ROBO2: variants seen among roughly 807,000 people sequenced by gnomAD.
ROBO2 encodes roundabout homolog 2.
Under a neutral mutation model 160.8 loss-of-function variants are expected in ROBO2, and 53 were observed. The ratio of observed to expected loss-of-function variants is 0.33; its 90% CI spans 0.26 to 0.41. The LOEUF (loss-of-function observed/expected upper bound fraction) is 0.41. ROBO2 is among the 10% of genes least tolerant of loss of function. The pLI is 1.00. For synonymous variants in ROBO2, 664 were observed against 611.7 expected, an observed-to-expected ratio of 1.09 and a Z score of -1.26; for missense variants, 1,577 against 1,722.4, an observed-to-expected ratio of 0.92 and a Z score of 1.49.
chr3:77,217,784 C>T (rs916027845), intron 2 of ROBO2, among the ~76,000 whole-genome samples: 1 of 152,262 alleles, frequency 6.6e-6, no homozygotes, highest in Middle Eastern at 3.4e-3. Context: ...TAGATTAATT[C>T]TATTTTATTA....
intron 5 of ROBO2, among the ~76,000 whole-genome samples, chr3:77,508,441 G>A (rs945728870): frequency 6.8e-6 from 1 of 148,050 alleles, no homozygotes; most frequent in African/African-American, 2.4e-5. Flanking sequence ...CTATATATAT[G>A]TGATAGTATA....
Position 77,644,950 on chromosome 3 carries a change from T to A in ROBO2, c.4135+46T>A, listed in dbSNP as rs200822458. On this transcript the variant is annotated intron_variant, in intron 25 of 25. Coordinates refer to ENST00000461745, the Ensembl canonical transcript of ROBO2. ...AAAGGCTATCGTGATTCAGAAAGAA[T>A]CTTGGGTTAATAACATTGCCACATT... The A allele has an allele frequency of 2.0e-4, 312 of 1,585,934 alleles. No homozygotes were observed. The African/African-American group carries it at 3.9e-3, about 20-fold the overall frequency.
At chr3:77,594,908 C>T (rs966475172) in intron 17 of ROBO2, among the ~76,000 whole-genome samples, 5 of 152,128 alleles carry the variant, frequency 3.3e-5, no homozygotes, top group African/African-American at 9.7e-5. Flanking sequence ...TTTAACTTAA[C>T]CATGGATTTG....
chr3:77,021,918 C>T (rs1010158659), intron 2 of ROBO2, among the ~76,000 whole-genome samples: 1 of 152,124 alleles, frequency 6.6e-6, no homozygotes, highest in African/African-American at 2.4e-5. Context: ...TTCCCAGCCT[C>T]CAGAAATATG....
At chr3:76,937,695 ACT>A (rs1352100350) in intron 2 of ROBO2, among the ~76,000 whole-genome samples, 2 of 152,096 alleles carry the variant, frequency 1.3e-5, no homozygotes, top group Non-Finnish European at 2.9e-5. Flanking sequence ...TGAATATAAA[ACT>A]CTGCATTTTA....
At chr3:76,423,633 A>G (rs960713895) in intron 2 of ROBO2, among the ~76,000 whole-genome samples, 10 of 152,194 alleles carry the variant, frequency 6.6e-5, no homozygotes, top group African/African-American at 2.4e-4. Flanking sequence ...AAATGTTTGT[A>G]TTCAGAATTT....
intron 1 of ROBO2, among the ~76,000 whole-genome samples, chr3:75,930,975 G>T (rs1054637901): frequency 6.6e-6 from 1 of 152,042 alleles, no homozygotes; most frequent in African/African-American, 2.4e-5. Flanking sequence ...ATCTCTTAAC[G>T]TGTCTTTCAG....
At chr3:76,531,747 A>C (rs2108064244) in intron 2 of ROBO2, among the ~76,000 whole-genome samples, 1 of 151,956 alleles carries the variant, frequency 6.6e-6, no homozygotes, top group South Asian at 2.1e-4. Context: ...AAAAACAACA[A>C]CACTATTTTC....
intron 2 of ROBO2, among the ~76,000 whole-genome samples, chr3:77,437,615 C>G (rs529305944): frequency 7.9e-5 from 12 of 152,024 alleles, no homozygotes; most frequent in African/African-American, 2.6e-4. Flanking sequence ...TTTAACCTTT[C>G]TAAGTAAAAT....
At chr3:76,280,595 C>G (rs968682726) in intron 2 of ROBO2, among the ~76,000 whole-genome samples, 1 of 151,992 alleles carries the variant, frequency 6.6e-6, no homozygotes, top group Non-Finnish European at 1.5e-5. Context: ...AATCCACTTC[C>G]TTTCCCAGTA....
chr3:77,151,079 G>A (rs192142369), intron 2 of ROBO2, among the ~76,000 whole-genome samples: 19 of 152,150 alleles, frequency 1.2e-4, no homozygotes, highest in Admixed American at 1.2e-3. Flanking sequence ...TGGCTTAAAA[G>A]GGGTACTCAA....
Position 76,532,096 on chromosome 3 carries a change from A to G in ROBO2, c.110-565918A>G, listed in dbSNP as rs138702882. Among the ~76,000 whole-genome samples, 148 of 152,278 alleles carry G rather than the reference A, an allele frequency of 9.7e-4. 2 individuals carry two copies. Among genetic ancestry groups the G allele is most frequent in the African/African-American group, 3.5e-3 (144 of 41,568 alleles). ...TCCTGGCCTCACTTAATCAGGACAT[A>G]TCTTTGTCTACAAGAGTGTCCTATT... On this transcript the variant is annotated intron_variant, in intron 2 of 26. Coordinates refer to the ROBO2 transcript ENST00000487694.
At chr3:77,472,267 A>G (rs2153580822) in intron 2 of ROBO2, among the ~76,000 whole-genome samples, 1 of 152,262 alleles carries the variant, frequency 6.6e-6, no homozygotes, top group East Asian at 1.9e-4. Context: ...GGGAATAAAT[A>G]ACAGAAGGGA....
intron 2 of ROBO2, among the ~76,000 whole-genome samples, chr3:76,666,623 A>G (rs1299131144): frequency 6.6e-6 from 1 of 152,086 alleles, no homozygotes; most frequent in Non-Finnish European, 1.5e-5. Flanking sequence ...CTATTGGAAA[A>G]TGAAAAAAAA....
chr3:76,376,557 T>C (rs2076354230), intron 2 of ROBO2, among the ~76,000 whole-genome samples: 1 of 152,128 alleles, frequency 6.6e-6, no homozygotes, highest in African/African-American at 2.4e-5. Flanking sequence ...ATCCATTATC[T>C]AGCAATATTA....
intron 2 of ROBO2, among the ~76,000 whole-genome samples, chr3:77,314,541 TTCTG>T (rs2063809090): frequency 1.3e-5 from 2 of 152,308 alleles, no homozygotes; most frequent in African/African-American, 4.8e-5. Flanking sequence ...ATGCATGAGA[TTCTG>T]CTATCAGGTT....
exon 21 of ROBO2, chr3:77,607,905 C>T (rs1320335485): frequency 6.2e-7 from 1 of 1,614,050 alleles, no homozygotes; most frequent in Non-Finnish European, 8.5e-7. Context: ...AGTCCAGCCC[C>T]TTCCTGGCAC....
intron 2 of ROBO2, among the ~76,000 whole-genome samples, chr3:76,877,313 A>T (rs2072850761): frequency 6.6e-6 from 1 of 152,178 alleles, no homozygotes; most frequent in African/African-American, 2.4e-5. Context: ...GTACACACCT[A>T]AGTGTGTTTT....
At chr3:76,342,345 C>A (rs1427339817) in intron 2 of ROBO2, among the ~76,000 whole-genome samples, 1 of 152,116 alleles carries the variant, frequency 6.6e-6, no homozygotes, top group African/African-American at 2.4e-5. Flanking sequence ...TTGTTACTCC[C>A]AGCACAGCAA....
Sources: allele counts gnomAD v4.1 joint callset (sites outside exome capture counted in the v4.1 genomes callset), GRCh38; gene constraint gnomAD v4.1.1; transcripts MANE v1.5; gene names NCBI Gene and HGNC (gene_info 2026-07-23, HGNC 2026-07-21).